VPS53: variants seen among roughly 807,000 people sequenced by gnomAD.
VPS53 encodes the protein VPS53 subunit of GARP complex, also known as vacuolar protein sorting-associated protein 53 homolog.
Under a neutral mutation model 107.0 loss-of-function variants are expected in VPS53, and 70 were observed. The ratio of observed to expected loss-of-function variants is 0.65; its 90% CI spans 0.54 to 0.80. VPS53 has a LOEUF of 0.80. Ranked by LOEUF, VPS53 falls within the 30% of genes least tolerant of loss-of-function variation. VPS53 has a pLI of 0.00. For missense variants in VPS53, 917 were observed against 1,049.4 expected, an observed-to-expected ratio of 0.87 and a Z score of 1.74; for synonymous variants, 409 against 393.3, an observed-to-expected ratio of 1.04 and a Z score of -0.47.
chr17:642,062 G>A (rs1257459148), intron 7 of VPS53, among the ~76,000 whole-genome samples: 2 of 152,190 alleles, frequency 1.3e-5, no homozygotes, highest in Admixed American at 1.3e-4. Context: ...AGATATCTGT[G>A]GATAAAGTAG....
At chr17:612,066 G>A (rs569787895) in intron 11 of VPS53, among the ~76,000 whole-genome samples, 8 of 149,234 alleles carry the variant, frequency 5.4e-5, no homozygotes, top group Non-Finnish European at 1.2e-4. Context: ...GTGAAAACCT[G>A]TAAAAATATT....
At chr17:601,169 G>C (rs948930767) in intron 12 of VPS53, 1 of 152,220 alleles carries the variant, frequency 6.6e-6, no homozygotes, top group Non-Finnish European at 1.5e-5. Context: ...GAAACGTTCT[G>C]ATTTATTGCT....
intron 4 of VPS53, among the ~76,000 whole-genome samples, chr17:677,685 T>C (rs1000577512): frequency 3.9e-5 from 6 of 152,146 alleles, no homozygotes; most frequent in Non-Finnish European, 8.8e-5. Flanking sequence ...ATACTTTAAA[T>C]AGATGAATTA....
chr17:682,398 C>G (rs538051032), intron 4 of VPS53, among the ~76,000 whole-genome samples: 11 of 152,254 alleles, frequency 7.2e-5, no homozygotes, highest in African/African-American at 2.6e-4. Flanking sequence ...TAGCAGAGAG[C>G]TAAAGGTAAC....
intron 13 of VPS53, among the ~76,000 whole-genome samples, chr17:574,684 A>C (rs903958455): frequency 2.0e-5 from 3 of 152,148 alleles, no homozygotes; most frequent in African/African-American, 7.2e-5. Context: ...AAGACTGCTG[A>C]AACCCAGGAG....
At chr17:582,586 A>G (rs997132499) in intron 13 of VPS53, among the ~76,000 whole-genome samples, 1 of 147,082 alleles carries the variant, frequency 6.8e-6, no homozygotes, top group African/African-American at 2.5e-5. Flanking sequence ...ATGTGTTCCC[A>G]GGGAACTTCC....
At chr17:573,477 G>T (rs1350667012) in intron 13 of VPS53, among the ~76,000 whole-genome samples, 2 of 152,154 alleles carry the variant, frequency 1.3e-5, no homozygotes, top group Non-Finnish European at 2.9e-5. Context: ...GCAGGTGGGA[G>T]GCTGGGGAGA....
chr17:616,808 T>C (rs928344349), intron 11 of VPS53, among the ~76,000 whole-genome samples: 1 of 152,234 alleles, frequency 6.6e-6, no homozygotes, highest in Non-Finnish European at 1.5e-5. Context: ...CCTCAGCTTG[T>C]CCAGAAGGGC....
At position 641,685 on chromosome 17, in the gene VPS53, G is replaced by A. The variant is rs557420203; in HGVS notation, c.609-10057C>T. Among the ~76,000 whole-genome samples, 19 of 152,074 alleles carry A rather than the reference G, an allele frequency of 1.2e-4. No homozygotes were observed. In the East Asian group the frequency reaches 2.7e-3, roughly 22 times the overall value. On this transcript the variant is annotated intron_variant, in intron 7 of 21. Transcript: ENST00000437048. Reference sequence around the variant, plus strand: ...GCCCAGGCTGATCTCAAACTCCTGGGCTCAAGCGATCTGCCCACTTCAGCC... The same window carrying A: ...GCCCAGGCTGATCTCAAACTCCTGGACTCAAGCGATCTGCCCACTTCAGCC...
intron 12 of VPS53, among the ~76,000 whole-genome samples, chr17:586,712 T>C (rs1967337250): frequency 6.6e-6 from 1 of 152,242 alleles, no homozygotes; most frequent in South Asian, 2.1e-4. Flanking sequence ...ATTTAAAAAG[T>C]GCTTTCACAC....
At chr17:689,087 TA>T (rs1972690372) in intron 4 of VPS53, among the ~76,000 whole-genome samples, 1 of 152,228 alleles carries the variant, frequency 6.6e-6, no homozygotes, top group Non-Finnish European at 1.5e-5. Flanking sequence ...TTTTCCAAAC[TA>T]TTTGTGGTCC....
intron 19 of VPS53, among the ~76,000 whole-genome samples, chr17:530,016 G>A (rs1359103181): frequency 1.3e-5 from 2 of 151,348 alleles, no homozygotes; most frequent in African/African-American, 4.9e-5. Flanking sequence ...CTCCAGCCTG[G>A]GCAATACAGC....
At chr17:584,174 C>T (rs1967196791) in intron 13 of VPS53, among the ~76,000 whole-genome samples, 1 of 152,230 alleles carries the variant, frequency 6.6e-6, no homozygotes, top group African/African-American at 2.4e-5. Context: ...CTTCTGGTCC[C>T]TTCCGAGTGC....
chr17:692,890 C>T (rs1972825256), intron 4 of VPS53, among the ~76,000 whole-genome samples: 1 of 151,738 alleles, frequency 6.6e-6, no homozygotes, highest in African/African-American at 2.4e-5. Flanking sequence ...AATCCCAGCA[C>T]TTTGGGAGGC....
At chr17:639,641 C>A (rs1461964459) in intron 7 of VPS53, among the ~76,000 whole-genome samples, 1 of 152,184 alleles carries the variant, frequency 6.6e-6, no homozygotes, top group Admixed American at 6.5e-5. Context: ...ACAGTCAGGA[C>A]CCTCAGCTGC....
At chr17:554,795 G>A (rs1250836263) in intron 15 of VPS53, among the ~76,000 whole-genome samples, 1 of 152,134 alleles carries the variant, frequency 6.6e-6, no homozygotes, top group Non-Finnish European at 1.5e-5. Context: ...CTTTTTGGAA[G>A]GCAATTTATT....
chr17:623,012 A>G (rs1969536822), intron 11 of VPS53, among the ~76,000 whole-genome samples: 1 of 152,090 alleles, frequency 6.6e-6, no homozygotes. Context: ...TTCCGGAGTG[A>G]AAATTTGGAC....
intron 2 of VPS53, among the ~76,000 whole-genome samples, chr17:706,822 C>A (rs1440331987): frequency 6.6e-6 from 1 of 152,118 alleles, no homozygotes; most frequent in Non-Finnish European, 1.5e-5. Flanking sequence ...GCTCTCAGAT[C>A]TGGTTCTCTC....
chr17:521,707 A>G lies in VPS53; in HGVS notation c.2117T>C (p.Val706Ala). The change falls in exon 20 of 22, where the codon GTC becomes GCC. Residue 706 changes from valine (V) to alanine (A), a missense_variant. Transcript: ENST00000437048. ...GCTGATGGAGGGGAGATCGAGCAGG[A>G]CCATCTTCAGCGAGTGGGTGTCCAG... is the stretch of plus-strand genomic sequence containing the variant. ...LLLDTHSLKM[V>A]LLDLPSISSQ... 3 of 1,549,230 alleles carry G rather than the reference A, an allele frequency of 1.9e-6. No individual in the cohort carries two copies.
Sources: gnomAD v4.1 joint callset for allele counts (sites outside exome capture counted in the v4.1 genomes callset) on GRCh38, gnomAD v4.1.1 for gene constraint, MANE v1.5 for transcripts, NCBI Gene and HGNC (gene_info 2026-07-23, HGNC 2026-07-21) for gene names.